The following ADGRL3 variants were observed in gnomAD, a reference collection of about 807,000 sequenced individuals.
ADGRL3 encodes the protein adhesion G protein-coupled receptor L3.
Under a neutral mutation model 153.5 loss-of-function variants are expected in ADGRL3, and 62 were observed. The ratio of observed to expected loss-of-function variants is 0.40; its 90% confidence interval spans 0.33 to 0.50. The LOEUF is 0.50. ADGRL3 is among the 20% of genes least tolerant of loss of function. ADGRL3 has a pLI of 0.47. For missense variants in ADGRL3, 1,641 were observed against 1,859.4 expected (o/e 0.88, Z 2.16); for synonymous variants, 710 against 672.5 (o/e 1.06, Z -0.86).
chr4:61,557,921 A>T (rs1014877347), intron 4 of ADGRL3, among the ~76,000 whole-genome samples: 1 of 151,728 alleles, frequency 6.6e-6, no homozygotes. Flanking sequence ...TTTACAAAAC[A>T]ACTCCATCGA....
chr4:61,984,127 CAT>C (rs1404062910), intron 19 of ADGRL3, among the ~76,000 whole-genome samples: 1 of 152,110 alleles, frequency 6.6e-6, no homozygotes, highest in African/African-American at 2.4e-5. Flanking sequence ...ACTGTTAAGA[CAT>C]ATGTGTCGAG....
chr4:61,208,132 T>G (rs1160373368), intron 1 of ADGRL3, among the ~76,000 whole-genome samples: 1 of 152,100 alleles, frequency 6.6e-6, no homozygotes, highest in Non-Finnish European at 1.5e-5. Flanking sequence ...TTGGGAAGGC[T>G]ACAAAGGAGT....
chr4:61,446,398 G>A (rs2097582781), intron 2 of ADGRL3, among the ~76,000 whole-genome samples: 1 of 152,064 alleles, frequency 6.6e-6, no homozygotes. Context: ...TTATTCTTAT[G>A]TGATGGTATT....
chr4:61,861,654 A>G (rs1192157097), intron 9 of ADGRL3, among the ~76,000 whole-genome samples: 1 of 152,046 alleles, frequency 6.6e-6, no homozygotes, highest in Non-Finnish European at 1.5e-5. Flanking sequence ...CATGAGCAGA[A>G]TAAAATGATA....
intron 8 of ADGRL3, among the ~76,000 whole-genome samples, chr4:61,781,934 A>G (rs754759657): frequency 2.6e-5 from 4 of 152,192 alleles, no homozygotes; most frequent in Non-Finnish European, 4.4e-5. Flanking sequence ...GTAATTTTGC[A>G]TATTTAACTC....
intron 2 of ADGRL3, among the ~76,000 whole-genome samples, chr4:61,445,711 C>T (rs973785684): frequency 1.3e-5 from 2 of 152,152 alleles, no homozygotes; most frequent in Non-Finnish European, 1.5e-5. Context: ...TCATTGAGCT[C>T]TCAGTTGAGT....
At chr4:61,482,500 G>A (rs2098141727) in intron 2 of ADGRL3, among the ~76,000 whole-genome samples, 1 of 152,092 alleles carries the variant, frequency 6.6e-6, no homozygotes, top group Non-Finnish European at 1.5e-5. Context: ...GGTTACTGTG[G>A]AACCTAGGTG....
chr4:61,391,852 C>CT (rs1334743131), intron 2 of ADGRL3, among the ~76,000 whole-genome samples: 1 of 109,642 alleles, frequency 9.1e-6, no homozygotes, highest in Non-Finnish European at 2.0e-5. Flanking sequence ...GTGAAAAATG[C>CT]TACTTTTTTT....
intron 2 of ADGRL3, among the ~76,000 whole-genome samples, chr4:61,466,146 T>G (rs1158944499): frequency 1.3e-5 from 2 of 151,848 alleles, no homozygotes; most frequent in Non-Finnish European, 2.9e-5. Context: ...ATAAAATAAA[T>G]AAATAAACAA....
chr4:61,414,697 C>A (rs987736354), intron 2 of ADGRL3, among the ~76,000 whole-genome samples: 1 of 151,324 alleles, frequency 6.6e-6, no homozygotes, highest in Non-Finnish European at 1.5e-5. Flanking sequence ...AATAATATAT[C>A]AAATCAAAGA....
At chr4:61,366,899 GT>G (rs2096408155) in intron 1 of ADGRL3, among the ~76,000 whole-genome samples, 1 of 152,088 alleles carries the variant, frequency 6.6e-6, no homozygotes, top group Non-Finnish European at 1.5e-5. Flanking sequence ...GAATGTCCTG[GT>G]AGTAGGAACA....
intron 1 of ADGRL3, among the ~76,000 whole-genome samples, chr4:61,292,036 C>T (rs547354004): frequency 5.9e-4 from 89 of 150,746 alleles, no homozygotes; most frequent in African/African-American, 2.0e-3. Context: ...GAAAATATTC[C>T]ACATATTATG....
intron 9 of ADGRL3, among the ~76,000 whole-genome samples, chr4:61,833,453 A>G (rs549139097): frequency 2.0e-4 from 30 of 152,328 alleles, no homozygotes; most frequent in African/African-American, 5.8e-4. Context: ...AGAGTTTTTA[A>G]GGACAACTTG....
At chr4:61,240,949 T>C (rs999739793) in intron 1 of ADGRL3, among the ~76,000 whole-genome samples, 1 of 152,004 alleles carries the variant, frequency 6.6e-6, no homozygotes, top group Admixed American at 6.6e-5. Flanking sequence ...GGCTATGATA[T>C]CTAGTTGTAA....
At chr4:61,844,273 C>A (rs143347302) in intron 9 of ADGRL3, among the ~76,000 whole-genome samples, 3 of 150,656 alleles carry the variant, frequency 2.0e-5, no homozygotes, top group African/African-American at 7.3e-5. Flanking sequence ...GATGGCCAGG[C>A]GCGGTGGCTC....
intron 2 of ADGRL3, among the ~76,000 whole-genome samples, chr4:61,388,546 A>G (rs888299853): frequency 4.6e-5 from 7 of 152,206 alleles, no homozygotes; most frequent in Admixed American, 3.3e-4. Flanking sequence ...TTAATCCTCT[A>G]TCTCACACAT....
chr4:61,408,308 G>C (rs1432580725), intron 2 of ADGRL3, among the ~76,000 whole-genome samples: 1 of 151,772 alleles, frequency 6.6e-6, no homozygotes, highest in Admixed American at 6.6e-5. Flanking sequence ...TATTAGCTTG[G>C]TTCTTACCTC....
chr4:61,787,658 C>A (rs887210780), intron 8 of ADGRL3, among the ~76,000 whole-genome samples: 3 of 152,096 alleles, frequency 2.0e-5, no homozygotes, highest in Non-Finnish European at 1.5e-5. Flanking sequence ...AAAATATATT[C>A]TCTTCTTTTT....
At chr4:61,947,915 G>C (rs910640888) in intron 16 of ADGRL3, among the ~76,000 whole-genome samples, 185 bp from the exon 17 acceptor site, 20 of 152,208 alleles carry the variant, frequency 1.3e-4, no homozygotes, top group African/African-American at 4.6e-4. Context: ...TAGTCAAAGG[G>C]AACAAACAAT....
Sources: allele counts gnomAD v4.1 joint callset (sites outside exome capture counted in the v4.1 genomes callset), GRCh38; gene constraint gnomAD v4.1.1; transcripts MANE v1.5; gene names NCBI Gene and HGNC (gene_info 2026-07-23, HGNC 2026-07-21).